The following SLC10A7 variants were observed in gnomAD, a reference collection of about 807,000 sequenced individuals.
SLC10A7 encodes the protein sodium/bile acid cotransporter 7.
Under a neutral mutation model 43.2 loss-of-function variants are expected in SLC10A7, and 29 were observed. That is an observed-to-expected ratio of 0.67 (90% CI 0.50 to 0.92). SLC10A7 has a LOEUF of 0.92. SLC10A7 is among the 40% of genes least tolerant of loss of function. The probability of loss-of-function intolerance (pLI) is 0.00; values close to 1 mark genes in which losing one functional copy is unlikely to be tolerated. For synonymous variants in SLC10A7, 152 were observed against 144.8 expected, an observed-to-expected ratio of 1.05 and a Z score of -0.35; for missense variants, 295 against 403.2, an observed-to-expected ratio of 0.73 and a Z score of 2.30.
intron 5 of SLC10A7, among the ~76,000 whole-genome samples, chr4:146,376,342 G>A (rs1737196462): frequency 6.6e-6 from 1 of 152,128 alleles, no homozygotes. Flanking sequence ...CCTGGCAAAT[G>A]CCCCACCCTC....
intron 5 of SLC10A7, among the ~76,000 whole-genome samples, chr4:146,336,094 A>G (rs1733878662): frequency 6.6e-6 from 1 of 152,104 alleles, no homozygotes; most frequent in Non-Finnish European, 1.5e-5. Context: ...AGAGGTTGGC[A>G]AACTTTTTCT....
intron 1 of SLC10A7, among the ~76,000 whole-genome samples, chr4:146,519,617 A>C (rs1738430463): frequency 6.6e-6 from 1 of 152,162 alleles, no homozygotes; most frequent in African/African-American, 2.4e-5. Flanking sequence ...AGCAGCTCAC[A>C]CAGGTAATAT....
chr4:146,467,466 C>T lies in SLC10A7; in HGVS notation c.397-24645G>A, dbSNP rs992172220. Reference sequence around the variant, plus strand: ...AAAAGCAGGTTTAAACACACACACACACACACACACACACACACACACACA... The same window carrying T: ...AAAAGCAGGTTTAAACACACACACATACACACACACACACACACACACACA... On this transcript the variant is annotated intron_variant, in intron 4 of 11. Coordinates refer to ENST00000335472, the MANE Select transcript of SLC10A7 (RefSeq NM_001029998.6). 9.7e-5 allele frequency among the ~76,000 whole-genome samples: 14 copies of T among 144,526 alleles called. 1 individual carries two copies. Among genetic ancestry groups the T allele is most frequent in the South Asian group, 8.5e-4 (4 of 4,706 alleles). 94.8% of individuals were successfully genotyped at this position (144,526 alleles called of 152,430 possible). A position where few individuals can be genotyped will look rare whatever the true frequency, so the allele number is the denominator to read the frequency against.
rs79930994 is a variant in SLC10A7, at chr4:146,302,464, T to G, written c.555+3462A>C. Among the ~76,000 whole-genome samples the G allele has an allele frequency of 7.9e-3, 1,208 of 152,302 alleles. 17 individuals carry two copies. The highest frequency in any genetic ancestry group is 0.028 in the African/African-American group (1,147 of 41,560). On this transcript the variant is annotated intron_variant, in intron 7 of 11. Transcript: ENST00000335472. ...TGACAGTCGAATGGCAGAGATAAATTGTTAACAAGCAAACTAAACATAAGT... is the reference window on the plus strand; with the variant it reads ...TGACAGTCGAATGGCAGAGATAAATGGTTAACAAGCAAACTAAACATAAGT...
At position 146,442,784 on chromosome 4, in the gene SLC10A7, A is replaced by G; in HGVS notation, c.434T>C (p.Leu145Ser). 2 of 1,603,502 alleles carry G rather than the reference A, an allele frequency of 1.2e-6. No individual in the cohort carries two copies. The highest frequency in any genetic ancestry group is 1.1e-5 in the South Asian group (1 of 88,358). The change falls in exon 5 of 12, where the codon TTG becomes TCG. Residue 145 changes from leucine to serine, a missense_variant and splice_region_variant. Physicochemically the swap from Leu to Ser is moderately radical, Grantham distance 145. Around this residue, in one of 2 missense-constraint regions of SLC10A7, gnomAD observed 242 missense variants for 362.5 expected, o/e 0.67. Coordinates refer to ENST00000335472, the MANE Select transcript of SLC10A7 (RefSeq NM_001029998.6). ...AIFNSAFGSF[L>S]GIVITPLLLL... The stretch of plus-strand genomic sequence containing the variant: ...ACAAGTTAAACTATGTTTACTTACC[A>G]AAAAACTTCCAAAGGCTGAATTAAA...
chr4:146,497,336 G>C (rs1735989904), intron 4 of SLC10A7, among the ~76,000 whole-genome samples: 1 of 152,118 alleles, frequency 6.6e-6, no homozygotes, highest in South Asian at 2.1e-4. Flanking sequence ...AGATAACCTA[G>C]AGTTTAAATA....
At chr4:146,293,039 T>G (rs546843671) in intron 8 of SLC10A7, 59 bp from the exon 9 acceptor site, 1 of 1,071,234 alleles carries the variant, frequency 9.3e-7, no homozygotes, top group East Asian at 2.5e-5. Flanking sequence ...TGTAGCATAC[T>G]TATTGGTATA....
chr4:146,517,050 T>C lies in SLC10A7; in HGVS notation c.171A>G (p.Ser57=). ...VATIFFNSGL[S]LKTEELTSAL... ...TAGATGACAGTACCTCTGTTTTCAA[T>C]GATAGTCCACTGTTAAAGAATATTG... Residue 57 remains serine (S), a synonymous_variant, in exon 2 of 12, where the codon TCA becomes TCG. Transcript: ENST00000335472. 6.2e-7 allele frequency: 1 copy of C among 1,603,570 alleles called. No homozygotes were observed.
chr4:146,374,659 CACATAT>C (rs777173543), intron 5 of SLC10A7, among the ~76,000 whole-genome samples: 5 of 116,042 alleles, frequency 4.3e-5, no homozygotes, highest in Non-Finnish European at 7.4e-5. Context: ...CACACACACA[CACATAT>C]ATATATATTT....
chr4:146,425,318 AGTTT>A (rs1426608965), intron 5 of SLC10A7, among the ~76,000 whole-genome samples: 8 of 152,226 alleles, frequency 5.3e-5, no homozygotes, highest in Non-Finnish European at 1.0e-4. Flanking sequence ...ATTGCAAAAT[AGTTT>A]GTTTATTAAA....
At chr4:146,376,309 T>C (rs1231612562) in intron 5 of SLC10A7, among the ~76,000 whole-genome samples, 1 of 152,066 alleles carries the variant, frequency 6.6e-6, no homozygotes, top group Non-Finnish European at 1.5e-5. Flanking sequence ...GGAGGGGAAA[T>C]ACTGGGTAGA....
intron 3 of SLC10A7, among the ~76,000 whole-genome samples, chr4:146,508,137 T>A (rs920946707): frequency 6.6e-6 from 1 of 152,234 alleles, no homozygotes; most frequent in Non-Finnish European, 1.5e-5. Context: ...TTGTATCTCA[T>A]TAATGCCGCA....
chr4:146,474,147 A>G (rs1212860392), intron 4 of SLC10A7, among the ~76,000 whole-genome samples: 1 of 151,910 alleles, frequency 6.6e-6, no homozygotes, highest in Non-Finnish European at 1.5e-5. Flanking sequence ...AAAAAAAACT[A>G]GAAGAATTTT....
chr4:146,454,435 C>A (rs530963104), intron 4 of SLC10A7, among the ~76,000 whole-genome samples: 47 of 151,974 alleles, frequency 3.1e-4, no homozygotes, highest in African/African-American at 1.1e-3. Flanking sequence ...TCATACTGGA[C>A]AGCAGTAAAG....
At chr4:146,315,861 G>A (rs1472853611) in intron 6 of SLC10A7, among the ~76,000 whole-genome samples, 1 of 151,918 alleles carries the variant, frequency 6.6e-6, no homozygotes, top group East Asian at 1.9e-4. Flanking sequence ...TATGAGTCAG[G>A]TTGAGTTCCT....
chr4:146,336,254 C>T (rs1200596641), intron 5 of SLC10A7, among the ~76,000 whole-genome samples: 1 of 152,112 alleles, frequency 6.6e-6, no homozygotes, highest in Non-Finnish European at 1.5e-5. Context: ...TTGCAGATCT[C>T]TGCTCTGAAG....
intron 5 of SLC10A7, among the ~76,000 whole-genome samples, chr4:146,329,002 A>G (rs1260961008): frequency 6.6e-6 from 1 of 152,256 alleles, no homozygotes; most frequent in Non-Finnish European, 1.5e-5. Context: ...AGAATTCAAC[A>G]TAATGATACT....
chr4:146,314,781 T>A (rs187280497), intron 6 of SLC10A7, among the ~76,000 whole-genome samples: 1 of 152,222 alleles, frequency 6.6e-6, no homozygotes, highest in Admixed American at 6.5e-5. Context: ...GTGGCTTTGG[T>A]CTGTCATTCT....
At chr4:146,431,943 A>G (rs1579170565) in intron 5 of SLC10A7, among the ~76,000 whole-genome samples, 1 of 152,364 alleles carries the variant, frequency 6.6e-6, no homozygotes, top group South Asian at 2.1e-4. Flanking sequence ...GCACCTAATT[A>G]TAAGAAAACA....
Sources: allele counts gnomAD v4.1 joint callset (sites outside exome capture counted in the v4.1 genomes callset), GRCh38; gene constraint gnomAD v4.1.1; regional missense constraint gnomAD v4.1.1; transcripts MANE v1.5; gene names NCBI Gene and HGNC (gene_info 2026-07-23, HGNC 2026-07-21).